FARP2: variants seen among roughly 807,000 people sequenced by gnomAD.
FARP2 encodes FERM, ARHGEF and pleckstrin domain-containing protein 2.
FARP2 carries 111 observed loss-of-function variants against 130.5 expected under a neutral mutation model. The ratio of observed to expected loss-of-function variants is 0.85; its 90% CI spans 0.73 to 1.00. FARP2 has a LOEUF of 1.00. Among genes scored for constraint, FARP2 ranks in the 50% least tolerant of loss-of-function variants. The probability of loss-of-function intolerance (pLI) is 0.00; values close to 1 mark genes in which losing one functional copy is unlikely to be tolerated. For synonymous variants in FARP2, 504 were observed against 516.9 expected (o/e 0.98, Z 0.34); for missense variants, 1,385 against 1,346.3 (o/e 1.03, Z -0.45).
intron 13 of FARP2, among the ~76,000 whole-genome samples, chr2:241,453,349 G>A (rs192320613): frequency 8.3e-4 from 126 of 151,592 alleles, no homozygotes; most frequent in East Asian, 3.3e-3. Context: ...GTGGCTGGGC[G>A]CGGTGGCTCA....
intron 1 of FARP2, among the ~76,000 whole-genome samples, chr2:241,363,441 G>A (rs1048625304): frequency 1.3e-5 from 2 of 152,218 alleles, no homozygotes; most frequent in Non-Finnish European, 2.9e-5. Context: ...TAGGTTTCTG[G>A]TTGGAGTCTG....
chr2:241,433,316 T>C (rs2150399968), intron 9 of FARP2, among the ~76,000 whole-genome samples: 1 of 152,306 alleles, frequency 6.6e-6, no homozygotes, highest in African/African-American at 2.4e-5. Context: ...TTACAGTCTT[T>C]GTGGAAGGTA....
intron 19 of FARP2, chr2:241,478,382 G>A: frequency 4.5e-6 from 1 of 222,520 alleles, no homozygotes; most frequent in Non-Finnish European, 8.9e-6. Context: ...CTGTGCTGCT[G>A]CAGTGCAAGA....
intron 17 of FARP2, chr2:241,465,357 G>A (rs1211710473): frequency 4.7e-6 from 4 of 858,162 alleles, no homozygotes; most frequent in Non-Finnish European, 7.7e-6. Context: ...CCTCCCCAGG[G>A]CAGGACCTGT....
intron 9 of FARP2, among the ~76,000 whole-genome samples, chr2:241,433,530 A>T (rs1161645127): frequency 3.3e-5 from 5 of 152,234 alleles, no homozygotes; most frequent in African/African-American, 4.8e-5. Flanking sequence ...ATTCAGTAAT[A>T]ACATGTAAAT....
chr2:241,382,292 A>AT (rs772855102), intron 2 of FARP2, among the ~76,000 whole-genome samples: 19,012 of 126,094 alleles, frequency 0.15, 1,806 homozygotes, highest in Admixed American at 0.24. Context: ...TACAAAATCT[A>AT]TTTTTTTTTT....
intron 1 of FARP2, among the ~76,000 whole-genome samples, chr2:241,372,164 T>TGA (rs1471654637): frequency 6.6e-6 from 1 of 152,100 alleles, no homozygotes; most frequent in Non-Finnish European, 1.5e-5. Flanking sequence ...GAAAAGGACC[T>TGA]GAGCTCCTCC....
At chr2:241,364,204 A>G (rs1298212734) in intron 1 of FARP2, among the ~76,000 whole-genome samples, 1 of 152,218 alleles carries the variant, frequency 6.6e-6, no homozygotes, top group Non-Finnish European at 1.5e-5. Flanking sequence ...CTGGAAGTAT[A>G]AGAAGTTTTC....
Position 241,437,651 on chromosome 2 carries a change from T to A in FARP2, c.1158+1113T>A, listed in dbSNP as rs1226498273. On this transcript the variant is annotated intron_variant, in intron 12 of 26. Transcript: ENST00000264042. ...TCGCTGACATATACATATATATATA[T>A]TTATTTATTTATTTATTTATTTTTT... 7.8e-5 allele frequency among the ~76,000 whole-genome samples: 11 copies of A among 140,522 alleles called. No homozygotes were observed. In the South Asian group the frequency reaches 2.5e-3, roughly 32 times the overall value. 92.2% of individuals were successfully genotyped at this position (140,522 alleles called of 152,430 possible). A position where few individuals can be genotyped will look rare whatever the true frequency, so the allele number is the denominator to read the frequency against.
At chr2:241,380,352 C>G (rs1487741132) in intron 2 of FARP2, among the ~76,000 whole-genome samples, 1 of 152,050 alleles carries the variant, frequency 6.6e-6, no homozygotes, top group Non-Finnish European at 1.5e-5. Flanking sequence ...GCTGTGAGCG[C>G]CAACTCAGAA....
At chr2:241,356,950 G>C (rs1018506953) in intron 1 of FARP2, among the ~76,000 whole-genome samples, 1 of 152,256 alleles carries the variant, frequency 6.6e-6, no homozygotes, top group African/African-American at 2.4e-5. Context: ...CTAAGGGCTA[G>C]AAATACTCAT....
chr2:241,456,544 T>C, intron 13 of FARP2: 1 of 572,708 alleles, frequency 1.7e-6, no homozygotes. Flanking sequence ...TGAAATTGGG[T>C]AGATGAACCA....
At chr2:241,378,802 A>T (rs1313865603) in intron 2 of FARP2, among the ~76,000 whole-genome samples, 1 of 152,174 alleles carries the variant, frequency 6.6e-6, no homozygotes, top group Non-Finnish European at 1.5e-5. Context: ...GACTTCAATT[A>T]TGTTTTATTT....
chr2:241,368,582 C>T (rs1478367219), intron 1 of FARP2, among the ~76,000 whole-genome samples: 2 of 152,060 alleles, frequency 1.3e-5, no homozygotes, highest in Admixed American at 6.5e-5. Flanking sequence ...GCTTTGACAC[C>T]GAGGTTAACC....
At chr2:241,414,902 A>T (rs916077739) in intron 7 of FARP2, among the ~76,000 whole-genome samples, 1 of 152,154 alleles carries the variant, frequency 6.6e-6, no homozygotes, top group Non-Finnish European at 1.5e-5. Context: ...GGAAGCAGAG[A>T]GGAGAGGGAG....
At chr2:241,356,512 G>GCT (rs1205558108) in intron 1 of FARP2, 124 bp downstream of exon 1, 7 of 152,520 alleles carry the variant, frequency 4.6e-5, no homozygotes, top group African/African-American at 1.7e-4. Flanking sequence ...GTCCACCAGA[G>GCT]ATGGTCCCGC....
chr2:241,485,907 T>C (rs2064741924), intron 21 of FARP2, among the ~76,000 whole-genome samples: 1 of 152,200 alleles, frequency 6.6e-6, no homozygotes, highest in Non-Finnish European at 1.5e-5. Flanking sequence ...CCTGGGGTCC[T>C]CTTTCCCTGT....
At chr2:241,395,827 A>T (rs1029585140) in intron 2 of FARP2, 2 of 152,108 alleles carry the variant, frequency 1.3e-5, no homozygotes, top group African/African-American at 4.8e-5. Flanking sequence ...TTTTCCAATA[A>T]TTTCAGTTGA....
intron 2 of FARP2, among the ~76,000 whole-genome samples, chr2:241,394,467 G>A (rs1453115587): frequency 6.7e-6 from 1 of 149,816 alleles, no homozygotes; most frequent in East Asian, 2.0e-4. Context: ...GTAGTGAGCC[G>A]AGATCGCGCC....
Sources: gnomAD v4.1 joint callset for allele counts (sites outside exome capture counted in the v4.1 genomes callset) on GRCh38, gnomAD v4.1.1 for gene constraint, MANE v1.5 for transcripts, NCBI Gene and HGNC (gene_info 2026-07-23, HGNC 2026-07-21) for gene names.